Variants in DLGAP1 observed in about 807,000 individuals in gnomAD.
DLGAP1 encodes DLG associated protein 1.
A neutral mutation model predicts 90.8 loss-of-function variants in DLGAP1; 11 were observed. That is an observed-to-expected ratio of 0.12 (90% CI 0.08 to 0.20). The LOEUF is 0.20. Ranked by LOEUF, DLGAP1 falls within the 10% of genes least tolerant of loss-of-function variation. The pLI is 1.00. For synonymous variants in DLGAP1, 558 were observed against 540.7 expected, an observed-to-expected ratio of 1.03 and a Z score of -0.44; for missense variants, 1,050 against 1,333.8, an observed-to-expected ratio of 0.79 and a Z score of 3.31.
chr18:3,755,012 A>G (rs1366403738), intron 5 of DLGAP1, among the ~76,000 whole-genome samples: 4 of 152,320 alleles, frequency 2.6e-5, no homozygotes, highest in African/African-American at 9.6e-5. Context: ...GTAAAGACGC[A>G]GTATTAAATT....
chr18:4,407,226 T>TA (rs1002832006), intron 1 of DLGAP1, among the ~76,000 whole-genome samples: 114 of 152,244 alleles, frequency 7.5e-4, no homozygotes, highest in African/African-American at 2.6e-3. Flanking sequence ...GCATTTGCTG[T>TA]AAAAAAACAA....
chr18:4,139,147 T>C (rs117268439), intron 2 of DLGAP1, among the ~76,000 whole-genome samples: 1 of 151,978 alleles, frequency 6.6e-6, no homozygotes, highest in Non-Finnish European at 1.5e-5. Context: ...ATCTTTATTA[T>C]TTCTTTTCTT....
At chr18:3,798,379 T>G (rs2066115204) in intron 5 of DLGAP1, among the ~76,000 whole-genome samples, 2 of 152,012 alleles carry the variant, frequency 1.3e-5, no homozygotes, top group Admixed American at 1.3e-4. Flanking sequence ...AGTGAGCCCT[T>G]TGGGGTCAAT....
intron 3 of DLGAP1, among the ~76,000 whole-genome samples, chr18:3,915,031 C>T (rs2072113191): frequency 6.6e-6 from 1 of 152,168 alleles, no homozygotes; most frequent in South Asian, 2.1e-4. Flanking sequence ...ACATGAGCCA[C>T]CACATTCAGC....
intron 7 of DLGAP1, among the ~76,000 whole-genome samples, chr18:3,592,280 G>A (rs1290642962): frequency 6.6e-6 from 1 of 152,238 alleles, no homozygotes; most frequent in Non-Finnish European, 1.5e-5. Flanking sequence ...TTCCAGCCAA[G>A]CAGACCCCAT....
chr18:4,447,096 C>G (rs1374801197), intron 1 of DLGAP1, among the ~76,000 whole-genome samples: 10 of 152,122 alleles, frequency 6.6e-5, no homozygotes, highest in African/African-American at 2.4e-4. Flanking sequence ...TAGGTACAAC[C>G]ATTTTTGGTA....
At position 3,880,961 on chromosome 18, in the gene DLGAP1, A is replaced by G. The variant is rs1374151575; in HGVS notation, c.-72-821T>C. Among the ~76,000 whole-genome samples, 20 of 150,892 alleles carry G rather than the reference A, an allele frequency of 1.3e-4. 1 individual carries two copies. Among genetic ancestry groups the G allele is most frequent in the Admixed American group, 6.6e-4 (10 of 15,218 alleles). The stretch of plus-strand genomic sequence containing the variant: ...CCATCTCAGAAAAAAAAAAAAAAAA[A>G]AAAAAAGAAAAAGAAAACTAGGAAA... On this transcript the variant is annotated intron_variant, in intron 3 of 12. Transcript: ENST00000315677.
chr18:4,335,982 T>G (rs911673397), intron 1 of DLGAP1, among the ~76,000 whole-genome samples: 1 of 152,256 alleles, frequency 6.6e-6, no homozygotes, highest in African/African-American at 2.4e-5. Context: ...TGATTTCCAT[T>G]GCCATTTGGG....
intron 4 of DLGAP1, among the ~76,000 whole-genome samples, chr18:3,876,077 C>A (rs1480605512): frequency 6.6e-6 from 1 of 151,852 alleles, no homozygotes; most frequent in East Asian, 1.9e-4. Context: ...CTCTGTTTTC[C>A]CAAATTTACT....
intron 9 of DLGAP1, among the ~76,000 whole-genome samples, chr18:3,549,686 A>G (rs1349853344): frequency 6.6e-6 from 1 of 151,906 alleles, no homozygotes; most frequent in Non-Finnish European, 1.5e-5. Flanking sequence ...GTATTTTTCC[A>G]TTCCCCTGAT....
At chr18:4,319,917 A>ACCACTCATTCTGGGGTCTCAGC (rs2080634744) in intron 1 of DLGAP1, among the ~76,000 whole-genome samples, 1 of 152,042 alleles carries the variant, frequency 6.6e-6, no homozygotes, top group Non-Finnish European at 1.5e-5. Context: ...GGCCTCTCCA[A>ACCACTCATTCTGGGGTCTCAGC]CCACTCATTC....
chr18:3,881,421 G>C (rs1310345887), intron 3 of DLGAP1, among the ~76,000 whole-genome samples: 1 of 152,170 alleles, frequency 6.6e-6, no homozygotes, highest in East Asian at 1.9e-4. Context: ...GAGAGAATTA[G>C]TTCCTCTCTT....
At chr18:4,212,509 T>TAAAAAA (rs3041112) in intron 1 of DLGAP1, among the ~76,000 whole-genome samples, 1 of 136,686 alleles carries the variant, frequency 7.3e-6, no homozygotes, top group Non-Finnish European at 1.6e-5. Flanking sequence ...CTACTAAAGT[T>TAAAAAA]AAAAAAAAAA....
At chr18:3,692,889 C>T (rs1479169366) in intron 7 of DLGAP1, among the ~76,000 whole-genome samples, 2 of 152,126 alleles carry the variant, frequency 1.3e-5, no homozygotes, top group African/African-American at 4.8e-5. Flanking sequence ...AGAGCTGGGA[C>T]CTAGGTTAGT....
intron 1 of DLGAP1, among the ~76,000 whole-genome samples, chr18:4,352,578 G>A (rs141366343): frequency 1.5e-4 from 23 of 152,144 alleles, no homozygotes; most frequent in African/African-American, 5.5e-4. Context: ...AGCCCCTAAT[G>A]CCTGAATTTC....
At chr18:3,826,426 G>A (rs1028611317) in intron 4 of DLGAP1, among the ~76,000 whole-genome samples, 12 of 152,150 alleles carry the variant, frequency 7.9e-5, no homozygotes, top group Admixed American at 2.6e-4. Context: ...GGTGGGATAG[G>A]CATGTTAATA....
rs2055548093 is a variant in DLGAP1, at chr18:3,581,949, T to C, written c.1891A>G (p.Ile631Val). ...NTATVTTTTT[I>V]ATVTTEDRKK... ...CTGTCCTCCGTGGTGACGGTGGCTA[T>C]GGTAGTCGTGGTGGTGACGGTGGCA... is the stretch of plus-strand genomic sequence containing the variant. Residue 631 changes from isoleucine (I) to valine (V), a missense_variant, in exon 8 of 13, where the codon ATA (isoleucine) becomes GTA (valine). This residue lies in a region of DLGAP1 where 565 missense variants were observed against 879.7 expected (regional missense o/e 0.64). Transcript: ENST00000315677. 3 of 1,614,026 alleles carry C rather than the reference T, an allele frequency of 1.9e-6. No individual in the cohort carries two copies. Among genetic ancestry groups the C allele is most frequent in the Non-Finnish European group, 2.5e-6 (3 of 1,180,008 alleles).
chr18:4,293,216 T>C (rs944463600), intron 1 of DLGAP1: 1 of 152,194 alleles, frequency 6.6e-6, no homozygotes, highest in Non-Finnish European at 1.5e-5. Flanking sequence ...TAATGAAGAA[T>C]GTGATGACTA....
intron 1 of DLGAP1, among the ~76,000 whole-genome samples, chr18:4,418,562 A>T (rs1411220429): frequency 6.6e-6 from 1 of 152,346 alleles, no homozygotes; most frequent in East Asian, 1.9e-4. Context: ...ACTGTAACAG[A>T]GACGAAGAAT....
Sources: allele counts gnomAD v4.1 joint callset (sites outside exome capture counted in the v4.1 genomes callset), GRCh38; gene constraint gnomAD v4.1.1; regional missense constraint gnomAD v4.1.1; transcripts MANE v1.5; gene names NCBI Gene and HGNC (gene_info 2026-07-23, HGNC 2026-07-21).